The following TMCC1 variants were observed in gnomAD, a reference collection of about 807,000 sequenced individuals.
The protein encoded by TMCC1 is transmembrane and coiled-coil domains protein 1.
In TMCC1, 15 loss-of-function variants were observed where a neutral mutation model predicts 52.4. That is an observed-to-expected ratio of 0.29 (90% confidence interval 0.19 to 0.44). The LOEUF is 0.44. Ranked by LOEUF, TMCC1 falls within the 20% of genes least tolerant of loss-of-function variation. The pLI is 1.00. For missense variants in TMCC1, 503 were observed against 806.0 expected (o/e 0.62, Z 4.55); for synonymous variants, 279 against 301.9 (o/e 0.92, Z 0.79).
intron 4 of TMCC1, among the ~76,000 whole-genome samples, chr3:129,761,990 C>CAAAA (rs1179793010): frequency 0.059 from 4,468 of 75,620 alleles, 453 homozygotes; most frequent in Non-Finnish European, 0.062. Flanking sequence ...GACTCTGTCT[C>CAAAA]AAAAAAAAAA....
At chr3:129,791,680 T>C (rs1386916376) in intron 4 of TMCC1, among the ~76,000 whole-genome samples, 1 of 152,158 alleles carries the variant, frequency 6.6e-6, no homozygotes, top group East Asian at 1.9e-4. Flanking sequence ...ACATGTAAGA[T>C]AACTATAAAG....
At chr3:129,776,751 C>T (rs575904789) in intron 4 of TMCC1, among the ~76,000 whole-genome samples, 2 of 152,166 alleles carry the variant, frequency 1.3e-5, no homozygotes, top group Non-Finnish European at 2.9e-5. Flanking sequence ...CCTCAGTCTC[C>T]CAAGTAGCTG....
intron 4 of TMCC1, among the ~76,000 whole-genome samples, chr3:129,802,679 T>G (rs767162307): frequency 9.2e-5 from 14 of 152,178 alleles, no homozygotes; most frequent in Non-Finnish European, 2.9e-5. Context: ...ACAGTATTCC[T>G]GTGAAAGGAG....
intron 4 of TMCC1, among the ~76,000 whole-genome samples, chr3:129,686,137 G>C (rs1013589678): frequency 6.6e-6 from 1 of 152,082 alleles, no homozygotes; most frequent in Non-Finnish European, 1.5e-5. Context: ...TTTTTTAAAA[G>C]GCCTAAATCA....
intron 4 of TMCC1, among the ~76,000 whole-genome samples, chr3:129,697,128 C>T (rs867067456): frequency 3.3e-5 from 5 of 152,220 alleles, no homozygotes; most frequent in Admixed American, 6.5e-5. Context: ...ATTTTCCTTC[C>T]GCACTGCCCT....
chr3:129,826,478 A>G (rs983464539), intron 4 of TMCC1, among the ~76,000 whole-genome samples: 1 of 152,122 alleles, frequency 6.6e-6, no homozygotes, highest in African/African-American at 2.4e-5. Flanking sequence ...ACTGCACCCC[A>G]GCCTAGGTGA....
chr3:129,785,509 G>A (rs2055931762), intron 4 of TMCC1, among the ~76,000 whole-genome samples: 1 of 151,854 alleles, frequency 6.6e-6, no homozygotes, highest in Non-Finnish European at 1.5e-5. Context: ...CAAAGAGAAT[G>A]TGTTAATTGA....
At chr3:129,735,935 G>T (rs1457174642) in intron 4 of TMCC1, among the ~76,000 whole-genome samples, 1 of 152,154 alleles carries the variant, frequency 6.6e-6, no homozygotes, top group Non-Finnish European at 1.5e-5. Context: ...CTTCTGGGGG[G>T]ACTCCTGGAA....
chr3:129,796,663 T>A (rs1284779351), intron 4 of TMCC1, among the ~76,000 whole-genome samples: 2 of 151,886 alleles, frequency 1.3e-5, no homozygotes, highest in East Asian at 3.9e-4. Context: ...CTACAAAAAA[T>A]AAGAATAAGA....
At chr3:129,769,852 A>G (rs1030163230) in intron 4 of TMCC1, among the ~76,000 whole-genome samples, 5 of 152,346 alleles carry the variant, frequency 3.3e-5, no homozygotes, top group Middle Eastern at 6.8e-3. Context: ...AAACGGCAAA[A>G]GTACTTTTTA....
chr3:129,715,297 G>C (rs190041067), intron 4 of TMCC1, among the ~76,000 whole-genome samples: 4 of 152,180 alleles, frequency 2.6e-5, no homozygotes, highest in Non-Finnish European at 5.9e-5. Context: ...GGTGGCTCAC[G>C]CCTGTAATCC....
At position 129,745,991 on chromosome 3, in the gene TMCC1, A is replaced by C. The variant is rs565133755; in HGVS notation, c.577-74727T>G. Among the ~76,000 whole-genome samples the C allele has an allele frequency of 2.6e-5, 4 of 151,504 alleles. No homozygotes were observed. The South Asian group carries it at 8.4e-4, about 32-fold the overall frequency. On this transcript the variant is annotated intron_variant, in intron 4 of 6. Transcript: ENST00000393238. ...ACGCTGGTCTCAAACACCTGGCCTTAAGTGATCCTCCCGCCTCAGCCTCCC... is the reference window on the plus strand; with the variant it reads ...ACGCTGGTCTCAAACACCTGGCCTTCAGTGATCCTCCCGCCTCAGCCTCCC...
intron 4 of TMCC1, among the ~76,000 whole-genome samples, chr3:129,770,393 G>T (rs1324981486): frequency 6.6e-6 from 1 of 152,094 alleles, no homozygotes; most frequent in South Asian, 2.1e-4. Flanking sequence ...TTGCACACCT[G>T]TAGTCCCAGT....
intron 2 of TMCC1, among the ~76,000 whole-genome samples, chr3:129,853,963 T>G (rs1212780637): frequency 6.6e-6 from 1 of 152,190 alleles, no homozygotes; most frequent in East Asian, 1.9e-4. Flanking sequence ...AATGCCTTTC[T>G]ATCCTCTTTA....
At chr3:129,716,993 G>A (rs2049158046) in intron 4 of TMCC1, among the ~76,000 whole-genome samples, 1 of 152,164 alleles carries the variant, frequency 6.6e-6, no homozygotes, top group Non-Finnish European at 1.5e-5. Flanking sequence ...TATTAAATAA[G>A]AAACTGACAA....
At chr3:129,771,819 T>C (rs79725230) in intron 4 of TMCC1, among the ~76,000 whole-genome samples, 1,764 of 107,272 alleles carry the variant, frequency 0.016, 27 homozygotes, top group African/African-American at 0.05. Flanking sequence ...GAAAAAACAA[T>C]TGATGTGGTG....
At chr3:129,836,485 C>A (rs2059165115) in intron 2 of TMCC1, among the ~76,000 whole-genome samples, 1 of 152,172 alleles carries the variant, frequency 6.6e-6, no homozygotes, top group Admixed American at 6.5e-5. Context: ...TTTAAAAAAA[C>A]TGAAATAATA....
At chr3:129,677,414 G>A (rs773182173) in intron 4 of TMCC1, among the ~76,000 whole-genome samples, 1 of 151,906 alleles carries the variant, frequency 6.6e-6, no homozygotes, top group Admixed American at 6.6e-5. Context: ...AAAAGGAGAC[G>A]GTAACAAAAA....
intron 4 of TMCC1, among the ~76,000 whole-genome samples, chr3:129,675,395 G>A (rs1029563823): frequency 1.3e-5 from 2 of 152,150 alleles, no homozygotes; most frequent in Non-Finnish European, 2.9e-5. Context: ...CTTAACCTCC[G>A]CATCCATTTC....
Sources: gnomAD v4.1 joint callset for allele counts (sites outside exome capture counted in the v4.1 genomes callset) on GRCh38, gnomAD v4.1.1 for gene constraint, MANE v1.5 for transcripts, NCBI Gene and HGNC (gene_info 2026-07-23, HGNC 2026-07-21) for gene names.